The following NRF1 variants were observed in gnomAD, a reference collection of about 807,000 sequenced individuals.
The protein encoded by NRF1 is nuclear respiratory factor 1, also known as alpha palindromic-binding protein.
NRF1 carries 5 observed loss-of-function variants against 58.5 expected under a neutral mutation model. That is an observed-to-expected ratio of 0.09 (90% CI 0.04 to 0.18). The LOEUF (loss-of-function observed/expected upper bound fraction) is 0.18. Ranked by LOEUF, NRF1 falls within the 10% of genes least tolerant of loss-of-function variation. The pLI, the probability that NRF1 is intolerant of heterozygous loss-of-function variation, is 1.00. For synonymous variants in NRF1, 224 were observed against 246.7 expected (o/e 0.91, Z 0.86); for missense variants, 288 against 657.7 (o/e 0.44, Z 6.15).
At chr7:129,745,507 C>A (rs1163030312) in intron 10 of NRF1, among the ~76,000 whole-genome samples, 4 of 26,234 alleles carry the variant, frequency 1.5e-4, no homozygotes, top group Non-Finnish European at 6.7e-4. Context: ...TCCCCCTCAA[C>A]CCCCCCCCCA....
intron 1 of NRF1, among the ~76,000 whole-genome samples, chr7:129,621,971 C>A (rs1800807125): frequency 6.6e-6 from 1 of 151,828 alleles, no homozygotes; most frequent in African/African-American, 2.4e-5. Context: ...TTAGTAGAGA[C>A]AGGGTTTCAC....
At chr7:129,683,252 T>C (rs1802362998) in intron 4 of NRF1, among the ~76,000 whole-genome samples, 1 of 150,320 alleles carries the variant, frequency 6.7e-6, no homozygotes, top group Admixed American at 6.6e-5. Context: ...ATTTTAGAAT[T>C]TCAAAAGACA....
At chr7:129,638,527 G>C (rs1801219983) in intron 1 of NRF1, among the ~76,000 whole-genome samples, 1 of 152,020 alleles carries the variant, frequency 6.6e-6, no homozygotes, top group Admixed American at 6.6e-5. Flanking sequence ...TACATTTGAT[G>C]GCCTCTTTTC....
intron 1 of NRF1, among the ~76,000 whole-genome samples, chr7:129,653,342 T>C (rs1451697279): frequency 6.6e-6 from 1 of 152,200 alleles, no homozygotes; most frequent in Non-Finnish European, 1.5e-5. Flanking sequence ...AAGATACAGA[T>C]AATTCCCATA....
At chr7:129,620,178 T>G (rs1800760065) in intron 1 of NRF1, among the ~76,000 whole-genome samples, 1 of 152,108 alleles carries the variant, frequency 6.6e-6, no homozygotes, top group South Asian at 2.1e-4. Flanking sequence ...GGTGAAGAAC[T>G]TTGGAAAGAT....
chr7:129,634,029 TAAAAA>T (rs34010272), intron 1 of NRF1, among the ~76,000 whole-genome samples: 1,978 of 110,728 alleles, frequency 0.018, 53 homozygotes, highest in African/African-American at 0.068. Context: ...CATCTGTATT[TAAAAA>T]AAAAAAAAGA....
At chr7:129,624,004 A>T (rs1227189672) in intron 1 of NRF1, among the ~76,000 whole-genome samples, 1 of 152,242 alleles carries the variant, frequency 6.6e-6, no homozygotes, top group Non-Finnish European at 1.5e-5. Context: ...CTCACTTGAG[A>T]ATCCACCACA....
Position 129,711,739 on chromosome 7 carries a change from A to G in NRF1, c.1065+163A>G, listed in dbSNP as rs1397564556. Among the ~76,000 whole-genome samples the G allele has an allele frequency of 2.6e-5, 4 of 152,372 alleles. No homozygotes were observed. The East Asian group carries it at 7.7e-4, about 29-fold the overall frequency. ...AAAGTTTTAGAAAGTGTCTTATGCT[A>G]TGTGTATTAATTGTAACAATTAAGA... On this transcript the variant is annotated intron_variant, in intron 8 of 10. Transcript: ENST00000393232.
intron 5 of NRF1, among the ~76,000 whole-genome samples, chr7:129,708,811 C>G (rs1803007966): frequency 6.6e-6 from 1 of 152,118 alleles, no homozygotes; most frequent in Non-Finnish European, 1.5e-5. Context: ...AGAAATTAAA[C>G]TTAGGGGTAG....
intron 5 of NRF1, among the ~76,000 whole-genome samples, chr7:129,699,744 A>G (rs1053218644): frequency 2.6e-5 from 4 of 151,464 alleles, no homozygotes; most frequent in Non-Finnish European, 5.9e-5. Flanking sequence ...AAAAAAGAAA[A>G]AAAAAGAAAG....
intron 1 of NRF1, among the ~76,000 whole-genome samples, chr7:129,650,582 CAA>C (rs780545071): frequency 2.6e-5 from 4 of 152,052 alleles, no homozygotes; most frequent in Non-Finnish European, 4.4e-5. Flanking sequence ...AGTAATGAGT[CAA>C]GAAGGGTAGA....
In NRF1 at chr7:129,635,999, G is replaced by A. The variant is rs117539198; in HGVS notation, c.-6-21347G>A. 2.6e-4 allele frequency among the ~76,000 whole-genome samples: 40 copies of A among 152,082 alleles called. No homozygotes were observed. In the East Asian group the frequency reaches 7.6e-3, roughly 29 times the overall value. Reference sequence around the variant, plus strand: ...ATTTTTCTAACTATTCATTAATTAAGCATTTTCATAGTCCCAGTGAAATGT... The same window carrying A: ...ATTTTTCTAACTATTCATTAATTAAACATTTTCATAGTCCCAGTGAAATGT... On this transcript the variant is annotated intron_variant, in intron 1 of 10. Coordinates refer to ENST00000393232, the MANE Select transcript of NRF1 (RefSeq NM_005011.5).
intron 3 of NRF1, 78 bp from the exon 4 acceptor site, chr7:129,677,554 C>T (rs1218166780): frequency 7.5e-7 from 1 of 1,337,978 alleles, no homozygotes; most frequent in Non-Finnish European, 1.1e-6. Context: ...AATAAACTGT[C>T]TTACCTCATT....
At chr7:129,716,040 C>T (rs1352036984) in intron 8 of NRF1, among the ~76,000 whole-genome samples, 1 of 151,930 alleles carries the variant, frequency 6.6e-6, no homozygotes, top group Non-Finnish European at 1.5e-5. Flanking sequence ...TCTATGCAGC[C>T]ATTTTTAAGA....
In NRF1 at chr7:129,676,133, CTA is replaced by C. The variant is rs1584631228; in HGVS notation, c.339-1497_339-1496del. Among the ~76,000 whole-genome samples the C allele has an allele frequency of 2.0e-5, 3 of 152,374 alleles. No individual in the cohort carries two copies. In the East Asian group the frequency reaches 5.8e-4, roughly 29 times the overall value. On this transcript the variant is annotated intron_variant, in intron 3 of 10. Transcript: ENST00000393232. ...GCTTTGCTCTGCATTAGGCTTTGGCCTATGAGAATGTTGTGGCTGGTTTGATC... is the reference window on the plus strand; with the variant it reads ...GCTTTGCTCTGCATTAGGCTTTGGCCTGAGAATGTTGTGGCTGGTTTGATC...
intron 10 of NRF1, among the ~76,000 whole-genome samples, chr7:129,736,592 C>A (rs543345792): frequency 2.0e-5 from 3 of 151,290 alleles, no homozygotes; most frequent in Admixed American, 6.6e-5. Flanking sequence ...CTGAGAAATT[C>A]TATACAAAGG....
intron 10 of NRF1, among the ~76,000 whole-genome samples, chr7:129,736,283 T>C (rs1803708906): frequency 6.7e-6 from 1 of 148,694 alleles, no homozygotes; most frequent in Non-Finnish European, 1.5e-5. Context: ...AATTTTTTTT[T>C]TTTTTTTTTT....
Position 129,755,117 on chromosome 7 carries a change from G to C in NRF1, c.1448G>C (p.Arg483Thr). The C allele has an allele frequency of 6.2e-7, 1 of 1,614,050 alleles. No individual in the cohort carries two copies. The highest frequency in any genetic ancestry group is 1.1e-5 in the South Asian group (1 of 91,042). Residue 483 changes from arginine (R) to threonine (T), a missense_variant, in exon 11 of 11, where the codon AGG becomes ACG. By Grantham distance (71) the Arg-to-Thr change is moderately conservative. Transcript: ENST00000393232. This position sits in a 1 kb window ranked among gnomAD's most constrained non-coding sequence, Gnocchi z 5.8. ...GTGGCCATGGCCCCTGTGACCACCA[G>C]GATATCAGACAGCGCAGTCACCATG... ...VQVAMAPVTT[R>T]ISDSAVTMDG... is the part of the protein sequence containing the mutation.
At chr7:129,709,375 T>C in intron 6 of NRF1, 142 bp downstream of exon 6, 2 of 568,568 alleles carry the variant, frequency 3.5e-6, no homozygotes, top group Non-Finnish European at 5.5e-6. Context: ...TATTCTTTGA[T>C]TTATAGCCTT....
Sources: gnomAD v4.1 joint callset for allele counts (sites outside exome capture counted in the v4.1 genomes callset) on GRCh38, gnomAD v4.1.1 for gene constraint, Gnocchi (gnomAD v3.1) non-coding constraint, MANE v1.5 for transcripts, NCBI Gene and HGNC (gene_info 2026-07-23, HGNC 2026-07-21) for gene names.